Variants in BORCS5 observed in about 807,000 individuals in gnomAD.
The protein encoded by BORCS5 is BLOC-1-related complex subunit 5.
Under a neutral mutation model 22.1 loss-of-function variants are expected in BORCS5, and 17 were observed. The observed-to-expected ratio is 0.77, with a 90% CI of 0.53 to 1.15. The LOEUF is 1.15. BORCS5 is among the 50% of genes most tolerant of loss of function. The probability of loss-of-function intolerance (pLI) is 0.00; values close to 1 mark genes in which losing one functional copy is unlikely to be tolerated. For synonymous variants in BORCS5, 117 were observed against 99.8 expected (o/e 1.17, Z -1.03); for missense variants, 247 against 253.2 (o/e 0.98, Z 0.17).
At chr12:12,414,117 C>T (rs1171145315) in intron 2 of BORCS5, among the ~76,000 whole-genome samples, 981 of 87,620 alleles carry the variant, frequency 0.011, 74 homozygotes, top group East Asian at 0.052. Flanking sequence ...GGCTGACCCC[C>T]CCCACCTCCC....
chr12:12,461,195 C>T (rs1415029902), intron 3 of BORCS5, among the ~76,000 whole-genome samples: 2 of 148,048 alleles, frequency 1.4e-5, no homozygotes, highest in African/African-American at 5.0e-5. Flanking sequence ...TGGGATAGGG[C>T]CTTGCTCTTT....
At position 12,417,981 on chromosome 12, in the gene BORCS5, T is replaced by G. The variant is rs1326046955; in HGVS notation, c.203-17647T>G. Among the ~76,000 whole-genome samples the G allele has an allele frequency of 3.0e-4, 44 of 146,212 alleles. No homozygotes were observed. In the Admixed American group the frequency reaches 3.1e-3, roughly 10 times the overall value. ...TCTTTTTTTTTATCTTCTTGCTATA[T>G]CAAACCATTTATTTATTTATTTATT... On this transcript the variant is annotated intron_variant, in intron 2 of 3. Coordinates refer to ENST00000314565, the MANE Select transcript of BORCS5 (RefSeq NM_058169.6).
chr12:12,424,627 G>T (rs1413789568), intron 2 of BORCS5, among the ~76,000 whole-genome samples: 11 of 146,264 alleles, frequency 7.5e-5, no homozygotes, highest in Non-Finnish European at 1.1e-4. Flanking sequence ...TTTGAAAATT[G>T]GACATTTAAA....
intron 2 of BORCS5, among the ~76,000 whole-genome samples, chr12:12,403,181 A>C (rs952024215): frequency 3.9e-5 from 6 of 152,182 alleles, no homozygotes; most frequent in Admixed American, 2.6e-4. Flanking sequence ...AGAGAGATGA[A>C]AGACCTTTCC....
At chr12:12,433,359 C>T (rs1942478810) in intron 2 of BORCS5, among the ~76,000 whole-genome samples, 1 of 148,418 alleles carries the variant, frequency 6.7e-6, no homozygotes, top group East Asian at 1.9e-4. Context: ...GGAAATCTGC[C>T]CGGGTGCAGC....
Position 12,465,767 on chromosome 12 carries a change from C to T in BORCS5, c.582C>T (p.Leu194=), listed in dbSNP as rs1943191155. The T allele has an allele frequency of 1.2e-6, 2 of 1,611,924 alleles. No individual in the cohort carries two copies. Among genetic ancestry groups the T allele is most frequent in the Non-Finnish European group, 8.5e-7 (1 of 1,179,260 alleles). Residue 194 remains leucine (L), a synonymous_variant, in exon 4 of 4, where the codon CTC becomes CTT. Coordinates refer to ENST00000314565, the MANE Select transcript of BORCS5 (RefSeq NM_058169.6). The part of the protein sequence containing the change: ...EPFSMKPDRE[L]RL ...TCAGCATGAAGCCCGACCGCGAGCT[C>T]AGGCTGTAGCTGCTGCCCGGCCTGC...
Position 12,421,297 on chromosome 12 carries a change from A to G in BORCS5, c.203-14331A>G, listed in dbSNP as rs140015074. On this transcript the variant is annotated intron_variant, in intron 2 of 3. Coordinates refer to ENST00000314565, the MANE Select transcript of BORCS5 (RefSeq NM_058169.6). ...TTTGTTGAAGGCCTTTTCTGCATCT[A>G]TTGAGATAATCATGTGTTTTTTGTG... 9.1e-3 allele frequency among the ~76,000 whole-genome samples: 1,381 copies of G among 152,194 alleles called. 12 individuals are homozygous for G. The highest frequency in any genetic ancestry group is 0.014 in the Non-Finnish European group (979 of 68,012).
At chr12:12,419,457 G>C (rs918132792) in intron 2 of BORCS5, among the ~76,000 whole-genome samples, 3 of 152,164 alleles carry the variant, frequency 2.0e-5, no homozygotes, top group Non-Finnish European at 4.4e-5. Context: ...ATGGACATTT[G>C]GGTTGGTTCC....
intron 2 of BORCS5, among the ~76,000 whole-genome samples, chr12:12,396,234 G>A (rs906243382): frequency 6.6e-6 from 1 of 151,270 alleles, no homozygotes; most frequent in Non-Finnish European, 1.5e-5. Flanking sequence ...TGATCTGCCC[G>A]CCTCGGCCTC....
chr12:12,453,033 T>C (rs1942940117), intron 3 of BORCS5, among the ~76,000 whole-genome samples: 1 of 152,104 alleles, frequency 6.6e-6, no homozygotes. Flanking sequence ...AAAGACCAAA[T>C]CGGGATAGCC....
At chr12:12,389,212 A>T (rs1863948226) in intron 2 of BORCS5, among the ~76,000 whole-genome samples, 1 of 133,244 alleles carries the variant, frequency 7.5e-6, no homozygotes, top group African/African-American at 2.9e-5. Context: ...ATCTCGGCTT[A>T]CTGCAAACTT....
intron 2 of BORCS5, among the ~76,000 whole-genome samples, chr12:12,384,077 CATT>C (rs1056029285): frequency 1.3e-5 from 2 of 150,962 alleles, no homozygotes; most frequent in African/African-American, 4.9e-5. Flanking sequence ...TTTTCATTTC[CATT>C]ATTATACTTT....
At position 12,438,313 on chromosome 12, in the gene BORCS5, A is replaced by C. The variant is rs1796173212; in HGVS notation, c.360+2528A>C. On this transcript the variant is annotated intron_variant, in intron 3 of 3. Coordinates refer to ENST00000314565, the MANE Select transcript of BORCS5 (RefSeq NM_058169.6). ...GAGGTGGAGGTTACAGTGAGCCCAG[A>C]TCATGTCACTGCACTCCAACCAGGG... is the stretch of plus-strand genomic sequence containing the variant. 2.8e-5 allele frequency among the ~76,000 whole-genome samples: 4 copies of C among 145,394 alleles called. No individual in the cohort carries two copies. In the Admixed American group the frequency reaches 2.8e-4, roughly 10 times the overall value.
intron 3 of BORCS5, among the ~76,000 whole-genome samples, chr12:12,440,566 G>A (rs1942661607): frequency 6.6e-6 from 1 of 151,434 alleles, no homozygotes; most frequent in African/African-American, 2.4e-5. Flanking sequence ...GTTAAAGATT[G>A]GGATATCCTG....
At chr12:12,409,206 CTATT>C (rs1463564198) in intron 2 of BORCS5, among the ~76,000 whole-genome samples, 3 of 151,440 alleles carry the variant, frequency 2.0e-5, no homozygotes, top group East Asian at 1.9e-4. Flanking sequence ...TTCTTTTTAT[CTATT>C]TATTTATTTT....
At chr12:12,438,360 C>CAAAAAAAAAAAA (rs57737663) in intron 3 of BORCS5, among the ~76,000 whole-genome samples, 1,122 of 23,498 alleles carry the variant, frequency 0.048, 18 homozygotes, top group Non-Finnish European at 0.062. Context: ...GATTTCATCT[C>CAAAAAAAAAAAA]AAAAAAAAAA....
intron 2 of BORCS5, among the ~76,000 whole-genome samples, chr12:12,392,723 C>A (rs1941228247): frequency 6.6e-6 from 1 of 152,082 alleles, no homozygotes; most frequent in African/African-American, 2.4e-5. Flanking sequence ...ATAAAAATTA[C>A]CATTCAAATT....
At chr12:12,465,137 G>A (rs1157313153) in intron 3 of BORCS5, among the ~76,000 whole-genome samples, 1 of 152,006 alleles carries the variant, frequency 6.6e-6, no homozygotes, top group Non-Finnish European at 1.5e-5. Context: ...ACGCCCATCT[G>A]CTCCTAGTTT....
chr12:12,456,158 G>A (rs1429451903), intron 3 of BORCS5, among the ~76,000 whole-genome samples: 1 of 152,202 alleles, frequency 6.6e-6, no homozygotes, highest in Admixed American at 6.5e-5. Flanking sequence ...GTGAGGCCAG[G>A]TGTGGTAGAT....
Sources: gnomAD v4.1 joint callset for allele counts (sites outside exome capture counted in the v4.1 genomes callset) on GRCh38, gnomAD v4.1.1 for gene constraint, MANE v1.5 for transcripts, NCBI Gene and HGNC (gene_info 2026-07-23, HGNC 2026-07-21) for gene names.